Variants in FAT4 observed in about 807,000 individuals in gnomAD.
FAT4 encodes protocadherin Fat 4.
In FAT4, 84 loss-of-function variants were observed where a neutral mutation model predicts 303.9. That is an observed-to-expected ratio of 0.28 (90% CI 0.23 to 0.33). The LOEUF is 0.33. Ranked by LOEUF, FAT4 falls within the 10% of genes least tolerant of loss-of-function variation. The pLI, the probability that FAT4 is intolerant of heterozygous loss-of-function variation, is 1.00. For missense variants in FAT4, 6,005 were observed against 6,146.8 expected (o/e 0.98, Z 0.77); for synonymous variants, 2,307 against 2,298.8 (o/e 1.00, Z -0.10).
At chr4:125,419,269 C>T (rs1038440512) in intron 7 of FAT4, among the ~76,000 whole-genome samples, 3 of 152,172 alleles carry the variant, frequency 2.0e-5, no homozygotes, top group Non-Finnish European at 2.9e-5. Context: ...CTTCTATTCA[C>T]CTCCCTACCT....
At chr4:125,481,457 A>G in intron 15 of FAT4, 64 bp from the exon 16 acceptor site, 2 of 1,438,536 alleles carry the variant, frequency 1.4e-6, no homozygotes, top group East Asian at 2.3e-5. Flanking sequence ...TTGTCACTAT[A>G]GAAAACACTC....
At chr4:125,443,496 A>T (rs776198438) in intron 8 of FAT4, among the ~76,000 whole-genome samples, 8 of 151,108 alleles carry the variant, frequency 5.3e-5, no homozygotes, top group Non-Finnish European at 7.3e-5. Flanking sequence ...CAAACTCTAG[A>T]TCTGCTATTT....
chr4:125,321,664 A>G (rs536055372), intron 2 of FAT4, 78 bp downstream of exon 2: 3 of 1,342,206 alleles, frequency 2.2e-6, no homozygotes, highest in Non-Finnish European at 3.0e-6. Flanking sequence ...ACTCTCTATA[A>G]TTGTTTACCT....
In FAT4 at chr4:125,451,478, C is replaced by G. The variant is rs1227571012; in HGVS notation, c.10468C>G (p.Pro3490Ala). 6.2e-7 allele frequency: 1 copy of G among 1,614,084 alleles called. No individual in the cohort carries two copies. Among genetic ancestry groups the G allele is most frequent in the South Asian group, 1.1e-5 (1 of 91,074 alleles). Reference sequence around the variant, plus strand: ...AGTTTTGGCTGTTGATTCAGGGACCCCCTCAGCTACAGGTAGTGCCTCTTT... The same window carrying G: ...AGTTTTGGCTGTTGATTCAGGGACCGCCTCAGCTACAGGTAGTGCCTCTTT... ...LSVLAVDSGT[P>A]SATGSASLLV... is the part of the protein sequence containing the mutation. Residue 3490 changes from proline (P) to alanine (A), a missense_variant, in exon 10 of 18, where the codon CCC becomes GCC. By Grantham distance (27) the Pro-to-Ala change is conservative. Coordinates refer to ENST00000394329, the MANE Select transcript of FAT4 (RefSeq NM_001291303.3).
chr4:125,470,051 A>G (rs1726804249), intron 12 of FAT4, among the ~76,000 whole-genome samples: 2 of 152,250 alleles, frequency 1.3e-5, no homozygotes, highest in Admixed American at 6.5e-5. Context: ...GTTAGCAAGC[A>G]TGAAAACAAC....
rs1730726260 is a variant in FAT4 at position 125,318,141 on chromosome 4, A to G, written c.1730A>G (p.Asp577Gly). ...QLVVTLLDVN[D>G]EKPVFSQPEG... ...GTAGTAACTCTCCTAGATGTGAATG[A>G]TGAAAAGCCAGTATTTAGCCAGCCA... is the stretch of plus-strand genomic sequence containing the variant. The change falls in exon 2 of 18, where the codon GAT becomes GGT. Residue 577 changes from aspartate to glycine, a missense_variant. Asp to Gly is a moderately conservative substitution (Grantham distance 94). Transcript: ENST00000394329. 1.9e-6 allele frequency: 3 copies of G among 1,614,020 alleles called. No homozygotes were observed.
At chr4:125,396,924 GTGTATATATA>G (rs1203824987) in intron 2 of FAT4, among the ~76,000 whole-genome samples, 2 of 19,448 alleles carry the variant, frequency 1.0e-4, no homozygotes, top group Non-Finnish European at 1.6e-4. Flanking sequence ...GTATGTGTGT[GTGTATATATA>G]TATATATATA....
chr4:125,411,168 T>C (rs1437974360), intron 5 of FAT4, among the ~76,000 whole-genome samples: 2 of 152,074 alleles, frequency 1.3e-5, no homozygotes, highest in African/African-American at 4.8e-5. Flanking sequence ...AGGAATTTTA[T>C]ATGAAAATAA....
intron 2 of FAT4, among the ~76,000 whole-genome samples, chr4:125,350,896 C>A (rs1170477330): frequency 3.3e-5 from 5 of 151,686 alleles, no homozygotes; most frequent in Non-Finnish European, 4.4e-5. Flanking sequence ...GAATGCCTGA[C>A]CCTTAAGACA....
At chr4:125,393,094 T>C (rs1026854145) in intron 2 of FAT4, among the ~76,000 whole-genome samples, 3 of 151,686 alleles carry the variant, frequency 2.0e-5, no homozygotes, top group Non-Finnish European at 2.9e-5. Flanking sequence ...ACTTTCAGTG[T>C]ACTACAAATC....
chr4:125,328,857 C>T (rs1731262638), intron 2 of FAT4, among the ~76,000 whole-genome samples: 1 of 152,100 alleles, frequency 6.6e-6, no homozygotes, highest in Admixed American at 6.5e-5. Flanking sequence ...CATTTAGTTC[C>T]AACACAGCAC....
At chr4:125,371,029 T>C (rs1410397592) in intron 2 of FAT4, among the ~76,000 whole-genome samples, 1 of 151,394 alleles carries the variant, frequency 6.6e-6, no homozygotes, top group Non-Finnish European at 1.5e-5. Context: ...ATGCCTGTAA[T>C]CCCAGCTACT....
intron 2 of FAT4, among the ~76,000 whole-genome samples, chr4:125,372,780 G>C (rs894689398): frequency 1.3e-5 from 2 of 152,076 alleles, no homozygotes; most frequent in Non-Finnish European, 2.9e-5. Flanking sequence ...CCTTACAATG[G>C]TCCAGTGAGA....
chr4:125,414,601 T>A (rs1007397251), intron 5 of FAT4, among the ~76,000 whole-genome samples: 1 of 152,148 alleles, frequency 6.6e-6, no homozygotes, highest in African/African-American at 2.4e-5. Flanking sequence ...CGTGTGGCAC[T>A]GTTAGTGTTG....
chr4:125,471,826 C>T (rs1202876099), intron 12 of FAT4, among the ~76,000 whole-genome samples: 4 of 132,612 alleles, frequency 3.0e-5, no homozygotes, highest in Non-Finnish European at 4.6e-5. Flanking sequence ...CCGAGGCGGG[C>T]GGATCACGAG....
Position 125,416,434 on chromosome 4 carries a change from G to A in FAT4, c.6844-14G>A, listed in dbSNP as rs202092250. 39 of 1,610,210 alleles carry A rather than the reference G, an allele frequency of 2.4e-5. No homozygotes were observed. The highest frequency in any genetic ancestry group is 1.3e-4 in the East Asian group (6 of 44,774). ...GTTTGTTTTACTCACATCTTGGTAT[G>A]TACTGTTCTACAGGTGGTGGCAAGA... is the stretch of plus-strand genomic sequence containing the variant. On this transcript the variant is annotated splice_polypyrimidine_tract_variant and intron_variant, in intron 6 of 17. Coordinates refer to ENST00000394329, the MANE Select transcript of FAT4 (RefSeq NM_001291303.3).
Position 125,491,731 on chromosome 4 carries a change from C to A in FAT4, c.14915C>A (p.Pro4972Gln). 1.2e-6 allele frequency: 2 copies of A among 1,613,682 alleles called. No individual in the cohort carries two copies. ...GAAGGCAAAGCTGGGACAACTAAAC[C>A]AGTCCCCAAAGATGGGGAAGCAGAA... ...NEEGKAGTTK[P>Q]VPKDGEAEQY... The change falls in exon 18 of 18, where the codon CCA becomes CAA. Residue 4972 changes from proline (P) to glutamine (Q), a missense_variant. Pro to Gln is a moderately conservative substitution (Grantham distance 76). Coordinates refer to ENST00000394329, the MANE Select transcript of FAT4 (RefSeq NM_001291303.3).
intron 12 of FAT4, among the ~76,000 whole-genome samples, chr4:125,472,390 A>C (rs2126079907): frequency 6.6e-6 from 1 of 152,294 alleles, no homozygotes; most frequent in Non-Finnish European, 1.5e-5. Context: ...AATGCATATC[A>C]GCAATATTCA....
chr4:125,485,625 C>T (rs1727381607), intron 16 of FAT4, among the ~76,000 whole-genome samples: 1 of 152,070 alleles, frequency 6.6e-6, no homozygotes, highest in Non-Finnish European at 1.5e-5. Flanking sequence ...ACCTAAAGGA[C>T]CTGGATGAGG....
Sources: gnomAD v4.1 joint callset for allele counts (sites outside exome capture counted in the v4.1 genomes callset) on GRCh38, gnomAD v4.1.1 for gene constraint, MANE v1.5 for transcripts, NCBI Gene and HGNC (gene_info 2026-07-23, HGNC 2026-07-21) for gene names.